The following MAPK4 variants were observed in gnomAD, a reference collection of about 807,000 sequenced individuals.
MAPK4 encodes the protein Erk3-related.
In MAPK4, 22 loss-of-function variants were observed where a neutral mutation model predicts 47.7. The observed-to-expected ratio is 0.46, with a 90% CI of 0.33 to 0.66. The LOEUF (loss-of-function observed/expected upper bound fraction) is 0.66. Among genes scored for constraint, MAPK4 ranks in the 30% least tolerant of loss-of-function variants. The probability of loss-of-function intolerance (pLI) is 0.02; values close to 1 mark genes in which losing one functional copy is unlikely to be tolerated. For missense variants in MAPK4, 736 were observed against 831.7 expected (o/e 0.88, Z 1.42); for synonymous variants, 390 against 365.7 (o/e 1.07, Z -0.76).
At chr18:50,581,130 C>A (rs1790723045) in intron 1 of MAPK4, among the ~76,000 whole-genome samples, 1 of 152,212 alleles carries the variant, frequency 6.6e-6, no homozygotes, top group Admixed American at 6.5e-5. Context: ...AGCAAGGCAG[C>A]AAGATGTATT....
At chr18:50,563,297 C>A (rs1035517352) in intron 1 of MAPK4, among the ~76,000 whole-genome samples, 1 of 152,160 alleles carries the variant, frequency 6.6e-6, no homozygotes, top group Non-Finnish European at 1.5e-5. Flanking sequence ...ACTTTCCTCC[C>A]AAATTGAGGG....
intron 1 of MAPK4, among the ~76,000 whole-genome samples, chr18:50,594,802 G>A (rs2042467993): frequency 6.6e-6 from 1 of 152,116 alleles, no homozygotes; most frequent in African/African-American, 2.4e-5. Flanking sequence ...CAATCCATAG[G>A]CTAGCAGGAA....
intron 1 of MAPK4, among the ~76,000 whole-genome samples, chr18:50,588,617 C>T (rs1017617524): frequency 6.6e-6 from 1 of 152,182 alleles, no homozygotes; most frequent in Non-Finnish European, 1.5e-5. Flanking sequence ...ACCAGTGGTG[C>T]TATCTCAGCT....
Position 50,609,292 on chromosome 18 carries a change from C to T in MAPK4, c.-871+49049C>T, listed in dbSNP as rs574822124. ...GGGGCTCCTCACTTCCCAGAAGGGG[C>T]GGCCAGGCAGAGGCGCCCCCCACCT... On this transcript the variant is annotated intron_variant, in intron 1 of 5. Coordinates refer to ENST00000400384, the MANE Select transcript of MAPK4 (RefSeq NM_002747.4). 9.5e-3 allele frequency among the ~76,000 whole-genome samples: 1,441 copies of T among 151,708 alleles called. 22 individuals are homozygous for T. The highest frequency in any genetic ancestry group is 0.033 in the African/African-American group (1,350 of 41,468).
intron 2 of MAPK4, among the ~76,000 whole-genome samples, chr18:50,675,502 A>AT (rs1179477830): frequency 5.3e-5 from 8 of 149,784 alleles, no homozygotes; most frequent in Admixed American, 2.0e-4. Context: ...TTATTTATTT[A>AT]TTTTTTTTGA....
chr18:50,714,984 G>C (rs1910563638), intron 2 of MAPK4, 95 bp from the exon 3 acceptor site: 4 of 1,231,372 alleles, frequency 3.2e-6, no homozygotes, highest in Admixed American at 2.1e-5. Flanking sequence ...GACCCTGAAA[G>C]AGGTCTGTTT....
In MAPK4 at chr18:50,678,675, T is replaced by C. The variant is rs971313003; in HGVS notation, c.546+14171T>C. On this transcript the variant is annotated intron_variant, in intron 2 of 5. Coordinates refer to ENST00000400384, the MANE Select transcript of MAPK4 (RefSeq NM_002747.4). This position sits in a 1 kb window ranked among gnomAD's most constrained non-coding sequence, Gnocchi z 4.2. The stretch of plus-strand genomic sequence containing the variant: ...CAATAATTCCCAAAAATATATAAAA[T>C]GAACAGGCCTTGGTCCCACAGCTGC... 2.6e-5 allele frequency among the ~76,000 whole-genome samples: 4 copies of C among 152,200 alleles called. No individual in the cohort carries two copies. The highest frequency in any genetic ancestry group is 9.6e-5 in the African/African-American group (4 of 41,456).
intron 2 of MAPK4, among the ~76,000 whole-genome samples, chr18:50,682,272 T>C (rs1441261031): frequency 6.6e-6 from 1 of 152,200 alleles, no homozygotes; most frequent in Non-Finnish European, 1.5e-5. Context: ...TTGAATACCT[T>C]ATATCTATGA....
rs1911470430 is a variant in MAPK4, at chr18:50,729,980, C to A, written c.*126C>A. 6.2e-6 allele frequency: 6 copies of A among 969,078 alleles called. No homozygotes were observed. The South Asian group carries it at 1.2e-4, about 20-fold the overall frequency. 60.0% of individuals were successfully genotyped at this position (969,078 alleles called of 1,614,324 possible). On this transcript the variant is annotated 3_prime_UTR_variant, in exon 6 of 6. Coordinates refer to ENST00000400384, the MANE Select transcript of MAPK4 (RefSeq NM_002747.4). ...GGGGTTGGCAGAACACGTGAAGGAT[C>A]CGAGGAGCGAGAGGAATGTCCATTT...
chr18:50,666,566 G>A (rs1284698285), intron 2 of MAPK4, among the ~76,000 whole-genome samples: 2 of 152,214 alleles, frequency 1.3e-5, no homozygotes, highest in East Asian at 3.8e-4. Context: ...GCTGGGCTTA[G>A]TGTTATCCTG....
chr18:50,686,524 T>TTTAAGCAAACCA (rs1444858020), intron 2 of MAPK4, among the ~76,000 whole-genome samples: 4 of 152,264 alleles, frequency 2.6e-5, no homozygotes, highest in Non-Finnish European at 5.9e-5. Context: ...TGGCTCCCGA[T>TTTAAGCAAACCA]TTAAGCAAAC....
At chr18:50,565,679 A>G (rs1312117838) in intron 1 of MAPK4, among the ~76,000 whole-genome samples, 1 of 152,170 alleles carries the variant, frequency 6.6e-6, no homozygotes, top group Non-Finnish European at 1.5e-5. Flanking sequence ...TTTTTCCTGT[A>G]CCTTTTCCAT....
In MAPK4 at chr18:50,704,231, C is replaced by T. The variant is rs1293880389; in HGVS notation, c.547-10848C>T. ...CCGCATCAGTAGAAAAAAGAAAGGC[C>T]AGACACGGTGTCTTATGCCTGTAAT... On this transcript the variant is annotated intron_variant, in intron 2 of 5. Coordinates refer to ENST00000400384, the MANE Select transcript of MAPK4 (RefSeq NM_002747.4). Among the ~76,000 whole-genome samples, 6 of 152,182 alleles carry T rather than the reference C, an allele frequency of 3.9e-5. No individual in the cohort carries two copies. In the East Asian group the frequency reaches 1.2e-3, roughly 29 times the overall value.
At chr18:50,646,240 C>G (rs554008225) in intron 1 of MAPK4, among the ~76,000 whole-genome samples, 1 of 152,330 alleles carries the variant, frequency 6.6e-6, no homozygotes, top group African/African-American at 2.4e-5. Flanking sequence ...CTTAGAGATT[C>G]CCCTTCCCCT....
At chr18:50,653,022 G>C (rs538992760) in intron 1 of MAPK4, among the ~76,000 whole-genome samples, 87 of 152,016 alleles carry the variant, frequency 5.7e-4, no homozygotes, top group Non-Finnish European at 1.1e-3. Context: ...GTCTACAAAA[G>C]TTTTAAAAAA....
intron 1 of MAPK4, among the ~76,000 whole-genome samples, chr18:50,628,168 A>G (rs550047178): frequency 6.6e-6 from 1 of 152,342 alleles, no homozygotes; most frequent in South Asian, 2.1e-4. Flanking sequence ...ATTGGCAAGA[A>G]AAGGAGAAGC....
rs1417419801 is a variant in MAPK4, at chr18:50,729,667, C to T, written c.1577C>T (p.Pro526Leu). 3 of 1,519,730 alleles carry T rather than the reference C, an allele frequency of 2.0e-6. No individual in the cohort carries two copies. Among genetic ancestry groups the T allele is most frequent in the African/African-American group, 1.4e-5 (1 of 71,652 alleles). The allele number at this position is 1,519,730 out of a possible 1,614,324, so 94.1% of individuals were successfully genotyped here. ...RRLSASPPGR[P>L]APVDGGASPQ... is the part of the protein sequence containing the mutation. ...TTGTCTGCCTCGCCCCCCGGCCGCC[C>T]GGCCCCGGTGGACGGCGGCGCCAGC... The change falls in exon 6 of 6, where the codon CCG (proline) becomes CTG (leucine). Residue 526 changes from proline to leucine, a missense_variant. Physicochemically the swap from Pro to Leu is moderately conservative, Grantham distance 98. This residue lies in a region of MAPK4 where 377 missense variants were observed against 378.6 expected (regional missense o/e 1.00). Coordinates refer to ENST00000400384, the MANE Select transcript of MAPK4 (RefSeq NM_002747.4).
intron 3 of MAPK4, among the ~76,000 whole-genome samples, chr18:50,717,662 C>T (rs2144451227): frequency 6.6e-6 from 1 of 152,308 alleles, no homozygotes; most frequent in South Asian, 2.1e-4. Flanking sequence ...GGGCTCCCTC[C>T]ACCCTGAAAT....
chr18:50,628,085 G>A (rs561073922), intron 1 of MAPK4, among the ~76,000 whole-genome samples: 1 of 152,316 alleles, frequency 6.6e-6, no homozygotes, highest in Non-Finnish European at 1.5e-5. Flanking sequence ...CCGGGCAGTA[G>A]GGGCTGGGGA....
Sources: gnomAD v4.1 joint callset for allele counts (sites outside exome capture counted in the v4.1 genomes callset) on GRCh38, gnomAD v4.1.1 for gene constraint, gnomAD v4.1.1 regional missense constraint, Gnocchi (gnomAD v3.1) non-coding constraint, MANE v1.5 for transcripts, NCBI Gene and HGNC (gene_info 2026-07-23, HGNC 2026-07-21) for gene names.